The following ZFYVE28 variants were observed in gnomAD, a reference collection of about 807,000 sequenced individuals.
ZFYVE28 encodes the protein zinc finger FYVE-type containing 28.
ZFYVE28 carries 40 observed loss-of-function variants against 82.1 expected under a neutral mutation model. That is an observed-to-expected ratio of 0.49 (90% CI 0.38 to 0.63). ZFYVE28 has a LOEUF of 0.63. Ranked by LOEUF, ZFYVE28 falls within the 30% of genes least tolerant of loss-of-function variation. The pLI is 0.00. For synonymous variants in ZFYVE28, 612 were observed against 546.1 expected, an observed-to-expected ratio of 1.12 and a Z score of -1.68; for missense variants, 1,321 against 1,242.1, an observed-to-expected ratio of 1.06 and a Z score of -0.96.
In ZFYVE28 at chr4:2,418,168, G is replaced by A. The variant is rs916036392; in HGVS notation, c.39+117C>T. ...GTGGAGGGAAGGATGTCGGCGGTGG[G>A]GGAAGAGGCCGGCCACGGACAGGGA... On this transcript the variant is annotated intron_variant, in intron 1 of 12. Transcript: ENST00000290974. This position sits in a 1 kb window ranked among gnomAD's most constrained non-coding sequence, Gnocchi z 4.6. 9.7e-6 allele frequency: 9 copies of A among 929,968 alleles called. No homozygotes were observed. The African/African-American group carries it at 1.6e-4, about 16-fold the overall frequency. The allele number at this position is 929,968 out of a possible 1,614,324, so 57.6% of individuals were successfully genotyped here.
chr4:2,295,403 T>C (rs1461280764), intron 8 of ZFYVE28, among the ~76,000 whole-genome samples: 2 of 151,936 alleles, frequency 1.3e-5, no homozygotes, highest in Non-Finnish European at 2.9e-5. Context: ...ACTCCTGACC[T>C]CAAGTGATCT....
At chr4:2,374,390 T>C (rs1424896257) in intron 1 of ZFYVE28, among the ~76,000 whole-genome samples, 1 of 152,086 alleles carries the variant, frequency 6.6e-6, no homozygotes, top group African/African-American at 2.4e-5. Flanking sequence ...GGCGGGAGGA[T>C]TGTTTGAGTC....
chr4:2,328,822 C>A, intron 6 of ZFYVE28: 2 of 276,156 alleles, frequency 7.2e-6, no homozygotes, highest in East Asian at 5.7e-5. Context: ...TTTTTTTTTC[C>A]AACTTTGTTC....
chr4:2,405,693 G>A (rs1348195626), intron 1 of ZFYVE28, among the ~76,000 whole-genome samples: 2 of 152,240 alleles, frequency 1.3e-5, no homozygotes, highest in African/African-American at 2.4e-5. Context: ...AGCCAGGTGA[G>A]GCCGACAGCC....
chr4:2,324,541 CT>C (rs1308547075), intron 6 of ZFYVE28: 3 of 182,758 alleles, frequency 1.6e-5, no homozygotes, highest in Admixed American at 1.6e-4. Flanking sequence ...TAACATTCAA[CT>C]GATCTTCACT....
At position 2,271,779 on chromosome 4, in the gene ZFYVE28, A is replaced by C; in HGVS notation, c.2324T>G (p.Val775Gly). The C allele has an allele frequency of 6.2e-7, 1 of 1,613,006 alleles. No homozygotes were observed. The highest frequency in any genetic ancestry group is 1.1e-5 in the South Asian group (1 of 91,082). ...ETDDKEKLRK[V>G]TQTLRSAALE... is the part of the protein sequence containing the mutation. Reference sequence around the variant, plus strand: ...GGCCGCACTCCGCAGAGTCTGGGTGACTAGTGGAGAAGGGGGGCCGTCGGG... The same window carrying C: ...GGCCGCACTCCGCAGAGTCTGGGTGCCTAGTGGAGAAGGGGGGCCGTCGGG... Residue 775 changes from valine to glycine, a missense_variant and splice_region_variant, in exon 11 of 13, where the codon GTC becomes GGC. Physicochemically the swap from Val to Gly is moderately radical, Grantham distance 109. Coordinates refer to ENST00000290974, the MANE Select transcript of ZFYVE28 (RefSeq NM_020972.3).
chr4:2,329,194 T>C (rs977678928), intron 6 of ZFYVE28: 10 of 678,548 alleles, frequency 1.5e-5, no homozygotes, highest in East Asian at 8.1e-5. Context: ...ACAGAATCTG[T>C]AGATCACTTT....
chr4:2,332,994 T>A lies in ZFYVE28; in HGVS notation c.701+2711A>T, dbSNP rs1211058590. Among the ~76,000 whole-genome samples the A allele has an allele frequency of 2.0e-5, 3 of 151,974 alleles. No homozygotes were observed. Among genetic ancestry groups the A allele is most frequent in the Non-Finnish European group, 1.5e-5 (1 of 67,954 alleles). On this transcript the variant is annotated intron_variant, in intron 6 of 12. Coordinates refer to ENST00000290974, the MANE Select transcript of ZFYVE28 (RefSeq NM_020972.3). This position sits in a 1 kb window ranked among gnomAD's most constrained non-coding sequence, Gnocchi z 4.7. ...TCTGGCTTTGGGCTCTTATGCCCTC[T>A]CGCCCTTCCTCCCTCCTTCAATCCA...
intron 2 of ZFYVE28, among the ~76,000 whole-genome samples, chr4:2,350,419 G>C (rs371205932): frequency 2.9e-4 from 44 of 151,820 alleles, no homozygotes; most frequent in South Asian, 2.1e-4. Context: ...AGCCGAGATC[G>C]CGCCACTGCA....
chr4:2,340,999 G>A (rs960494724), intron 3 of ZFYVE28, among the ~76,000 whole-genome samples: 2 of 151,684 alleles, frequency 1.3e-5, no homozygotes, highest in South Asian at 2.1e-4. Flanking sequence ...GACTGTTCCC[G>A]CCACCTTGAA....
intron 7 of ZFYVE28, among the ~76,000 whole-genome samples, chr4:2,311,944 GT>G (rs1407542331): frequency 1.5e-4 from 23 of 152,016 alleles, no homozygotes; most frequent in Admixed American, 9.2e-4. Context: ...GCCCAACTAA[GT>G]TTTTTATTGT....
At position 2,362,866 on chromosome 4, in the gene ZFYVE28, G is replaced by A. The variant is rs760424270; in HGVS notation, c.40-8793C>T. On this transcript the variant is annotated intron_variant, in intron 1 of 12. Coordinates refer to ENST00000290974, the MANE Select transcript of ZFYVE28 (RefSeq NM_020972.3). This position sits in a 1 kb window ranked among gnomAD's most constrained non-coding sequence, Gnocchi z 5.1. ...GCCTGGCAGGGAGTGAGGATGGGAC[G>A]GTCCTGCTCACTTCCTGCCTTGGCC... Among the ~76,000 whole-genome samples, 1 of 152,028 alleles carries A rather than the reference G, an allele frequency of 6.6e-6. No individual in the cohort carries two copies. Among genetic ancestry groups the A allele is most frequent in the African/African-American group, 2.4e-5 (1 of 41,428 alleles).
At chr4:2,357,739 G>T (rs1725544630) in intron 1 of ZFYVE28, among the ~76,000 whole-genome samples, 1 of 152,210 alleles carries the variant, frequency 6.6e-6, no homozygotes, top group Non-Finnish European at 1.5e-5. Flanking sequence ...AACAGGCCAG[G>T]TACTGAATTT....
chr4:2,279,413 G>C (rs901768014), intron 8 of ZFYVE28, among the ~76,000 whole-genome samples: 1 of 152,142 alleles, frequency 6.6e-6, no homozygotes, highest in African/African-American at 2.4e-5. Flanking sequence ...CCTGAAGACA[G>C]AGCGAGACTC....
intron 1 of ZFYVE28, among the ~76,000 whole-genome samples, chr4:2,403,281 G>A (rs1731395080): frequency 6.6e-6 from 1 of 152,232 alleles, no homozygotes; most frequent in South Asian, 2.1e-4. Flanking sequence ...GATCTGAGAT[G>A]GGCAAAGGAC....
Position 2,270,601 on chromosome 4 carries a change from G to C in ZFYVE28, c.*124C>G. ...GGACAGAGGCTCTGGATGCTCTGGA[G>C]GTCTGGGTGCCCCTGCAGCAGCGGC... On this transcript the variant is annotated 3_prime_UTR_variant, in exon 13 of 13. Coordinates refer to ENST00000290974, the MANE Select transcript of ZFYVE28 (RefSeq NM_020972.3). 1 of 1,406,298 alleles carries C rather than the reference G, an allele frequency of 7.1e-7. No homozygotes were observed. The highest frequency in any genetic ancestry group is 9.8e-7 in the Non-Finnish European group (1 of 1,025,446). The allele number at this position is 1,406,298 out of a possible 1,614,324, so 87.1% of individuals were successfully genotyped here. A position where few individuals can be genotyped will look rare whatever the true frequency, so the allele number is the denominator to read the frequency against.
intron 7 of ZFYVE28, 143 bp from the exon 8 acceptor site, chr4:2,305,679 AC>A: frequency 2.9e-6 from 3 of 1,019,238 alleles, no homozygotes; most frequent in Non-Finnish European, 4.3e-6. Context: ...TTCTCAAGGC[AC>A]CAGCACGTCT....
chr4:2,340,231 TGA>T (rs973437800), intron 3 of ZFYVE28, among the ~76,000 whole-genome samples: 1 of 152,056 alleles, frequency 6.6e-6, no homozygotes, highest in Non-Finnish European at 1.5e-5. Context: ...CTCATCAGTG[TGA>T]GAGTCCCTGG....
rs1722753838 is a variant in ZFYVE28 at position 2,341,279 on chromosome 4, C to A, written c.318+199G>T. 1.5e-6 allele frequency: 1 copy of A among 677,242 alleles called. No homozygotes were observed. The highest frequency in any genetic ancestry group is 2.5e-6 in the Non-Finnish European group (1 of 404,300). The allele number at this position is 677,242 out of a possible 1,614,324, so 42.0% of individuals were successfully genotyped here. On this transcript the variant is annotated intron_variant, in intron 3 of 12. Transcript: ENST00000290974. The surrounding 1 kb of genome is among the most constrained non-coding windows in gnomAD (Gnocchi z 4.5). The stretch of plus-strand genomic sequence containing the variant: ...TTTGTATGTATAGTTTTGGGGGCAC[C>A]AGTTCATGGCTTTCCCAGATCCTCC...
Sources: allele counts gnomAD v4.1 joint callset (sites outside exome capture counted in the v4.1 genomes callset), GRCh38; gene constraint gnomAD v4.1.1; non-coding constraint Gnocchi (gnomAD v3.1); transcripts MANE v1.5; gene names NCBI Gene and HGNC (gene_info 2026-07-23, HGNC 2026-07-21).